GPHN: variants seen among roughly 807,000 people sequenced by gnomAD.
GPHN encodes gephyrin.
A neutral mutation model predicts 95.5 loss-of-function variants in GPHN; 17 were observed. That is an observed-to-expected ratio of 0.18 (90% CI 0.12 to 0.27). The LOEUF (loss-of-function observed/expected upper bound fraction) is 0.27. GPHN is among the 10% of genes least tolerant of loss of function. The pLI is 1.00. For synonymous variants in GPHN, 320 were observed against 322.5 expected (o/e 0.99, Z 0.08); for missense variants, 660 against 978.1 (o/e 0.67, Z 4.34).
chr14:66,864,085 C>T (rs1002619695), intron 4 of GPHN, among the ~76,000 whole-genome samples: 1 of 152,028 alleles, frequency 6.6e-6, no homozygotes, highest in African/African-American at 2.4e-5. Context: ...GATTAATAAC[C>T]AGAATATGTA....
At chr14:66,743,573 A>G (rs1425666894) in intron 2 of GPHN, among the ~76,000 whole-genome samples, 1 of 146,902 alleles carries the variant, frequency 6.8e-6, no homozygotes, top group Non-Finnish European at 1.5e-5. Context: ...CTTCTCTAGT[A>G]AAAAAAAATA....
the GPHN span, among the ~76,000 whole-genome samples, chr14:67,720,235 T>C: frequency 6.6e-6 from 1 of 152,256 alleles, no homozygotes; most frequent in East Asian, 1.9e-4. Context: ...ATTGGGTTGT[T>C]ATTCCTTTTC....
intron 19 of GPHN, among the ~76,000 whole-genome samples, chr14:67,161,304 A>C (rs551695849): frequency 6.6e-6 from 1 of 152,122 alleles, no homozygotes; most frequent in African/African-American, 2.4e-5. Context: ...AAAAAGAAAA[A>C]AAGAAAAGAA....
At chr14:67,494,545 G>C in the GPHN span, among the ~76,000 whole-genome samples, 2 of 152,178 alleles carry the variant, frequency 1.3e-5, no homozygotes, top group Non-Finnish European at 2.9e-5. Context: ...ATTGAATCTG[G>C]AGCAGCCAGG....
intron 9 of GPHN, among the ~76,000 whole-genome samples, chr14:67,008,679 G>A (rs1389341368): frequency 6.6e-6 from 1 of 151,724 alleles, no homozygotes; most frequent in African/African-American, 2.4e-5. Flanking sequence ...CAGATAGCTG[G>A]GACTACAAGT....
At chr14:66,905,124 T>G (rs886678160) in intron 5 of GPHN, among the ~76,000 whole-genome samples, 7 of 152,168 alleles carry the variant, frequency 4.6e-5, no homozygotes, top group African/African-American at 1.7e-4. Flanking sequence ...CTTCATGCTT[T>G]TTGCTTTTTT....
intron 1 of GPHN, among the ~76,000 whole-genome samples, chr14:66,651,245 C>T (rs184623629): frequency 6.6e-6 from 1 of 152,158 alleles, no homozygotes; most frequent in Non-Finnish European, 1.5e-5. Flanking sequence ...CTTGTGTGAC[C>T]TATTCAACCT....
intron 4 of GPHN, among the ~76,000 whole-genome samples, chr14:66,827,232 A>G (rs2061418858): frequency 6.6e-6 from 1 of 151,910 alleles, no homozygotes; most frequent in Non-Finnish European, 1.5e-5. Context: ...TTCGGCGAGC[A>G]GAGATCACAA....
intron 2 of GPHN, among the ~76,000 whole-genome samples, chr14:66,695,164 A>T (rs1048200990): frequency 6.6e-6 from 1 of 152,150 alleles, no homozygotes; most frequent in East Asian, 1.9e-4. Context: ...CTGTCTTAAA[A>T]AAATAAATAA....
the GPHN span, among the ~76,000 whole-genome samples, chr14:67,561,177 C>G: frequency 1.3e-5 from 2 of 152,174 alleles, no homozygotes; most frequent in Non-Finnish European, 2.9e-5. Flanking sequence ...AGAACTGATG[C>G]CTGGCTTACC....
downstream of GPHN, among the ~76,000 whole-genome samples, chr14:67,186,766 T>A (rs1243237859): frequency 1.3e-5 from 2 of 152,174 alleles, no homozygotes; most frequent in Non-Finnish European, 2.9e-5. Context: ...CCTCATCTGG[T>A]CTAATGCAAC....
the GPHN span, chr14:67,470,213 G>A: frequency 2.0e-5 from 3 of 152,250 alleles, no homozygotes; most frequent in African/African-American, 4.8e-5. Flanking sequence ...TGGCCTCCAG[G>A]AGCCCCTGAG....
chr14:66,815,832 C>T (rs1189130327), intron 3 of GPHN, among the ~76,000 whole-genome samples: 2 of 152,094 alleles, frequency 1.3e-5, no homozygotes, highest in Non-Finnish European at 2.9e-5. Flanking sequence ...TGTAAATGGG[C>T]TAAATGCCCC....
At chr14:66,840,737 A>C (rs1336375392) in intron 4 of GPHN, among the ~76,000 whole-genome samples, 4 of 71,110 alleles carry the variant, frequency 5.6e-5, no homozygotes, top group East Asian at 1.4e-3. Flanking sequence ...CAGGCCATAC[A>C]AAAAAAAAAA....
chr14:67,017,623 T>C (rs912418998), intron 9 of GPHN, among the ~76,000 whole-genome samples: 2 of 152,204 alleles, frequency 1.3e-5, no homozygotes, highest in South Asian at 2.1e-4. Context: ...ATGTAAGATA[T>C]AAAACATCCT....
At chr14:67,367,181 G>A in the GPHN span, among the ~76,000 whole-genome samples, 1 of 152,234 alleles carries the variant, frequency 6.6e-6, no homozygotes, top group Non-Finnish European at 1.5e-5. Context: ...TGGGGAGACA[G>A]AGCTTATAGT....
intron 8 of GPHN, among the ~76,000 whole-genome samples, chr14:66,952,635 A>G (rs2068178058): frequency 1.3e-5 from 2 of 152,144 alleles, no homozygotes; most frequent in South Asian, 4.1e-4. Context: ...CATTTTACAT[A>G]CCCAACAGCA....
chr14:67,559,473 A>C, the GPHN span: 1 of 623,864 alleles, frequency 1.6e-6, no homozygotes, highest in East Asian at 2.8e-5. Flanking sequence ...ATAATATTTC[A>C]ACAAACGATT....
chr14:67,659,705 A>C, the GPHN span: 1 of 1,569,318 alleles, frequency 6.4e-7, no homozygotes, highest in Non-Finnish European at 8.6e-7. Context: ...AGGAAAAAAA[A>C]AACAAACAAA....
Sources: gnomAD v4.1 joint callset for allele counts (sites outside exome capture counted in the v4.1 genomes callset) on GRCh38, gnomAD v4.1.1 for gene constraint, MANE v1.5 for transcripts, NCBI Gene and HGNC (gene_info 2026-07-23, HGNC 2026-07-21) for gene names.